GLIS3: variants seen among roughly 807,000 people sequenced by gnomAD.
The protein encoded by GLIS3 is GLIS family zinc finger 3.
In GLIS3, 53 loss-of-function variants were observed where a neutral mutation model predicts 78.6. The ratio of observed to expected loss-of-function variants is 0.67; its 90% CI spans 0.54 to 0.85. GLIS3 has a LOEUF of 0.85. Among genes scored for constraint, GLIS3 ranks in the 40% least tolerant of loss-of-function variants. The pLI is 0.00. For synonymous variants in GLIS3, 684 were observed against 509.9 expected, an observed-to-expected ratio of 1.34 and a Z score of -4.60; for missense variants, 1,703 against 1,231.1, an observed-to-expected ratio of 1.38 and a Z score of -5.74.
At chr9:3,855,868 G>A in intron 9 of GLIS3, 141 bp downstream of exon 9, 1 of 903,680 alleles carries the variant, frequency 1.1e-6, no homozygotes. Context: ...CCTATCAAGT[G>A]TGAAATTTTA....
intron 4 of GLIS3, among the ~76,000 whole-genome samples, chr9:3,985,208 G>A (rs575503915): frequency 6.6e-6 from 1 of 151,984 alleles, no homozygotes; most frequent in Non-Finnish European, 1.5e-5. Flanking sequence ...GCAGTAAAGA[G>A]CTTGGCTCAC....
chr9:4,447,475 T>C, the GLIS3 span, among the ~76,000 whole-genome samples: 45 of 152,186 alleles, frequency 3.0e-4, no homozygotes, highest in African/African-American at 1.1e-3. Flanking sequence ...TCACCCATTA[T>C]ATTCTCACAA....
chr9:3,998,914 A>G (rs1820932613), intron 4 of GLIS3, among the ~76,000 whole-genome samples: 1 of 151,880 alleles, frequency 6.6e-6, no homozygotes, highest in Non-Finnish European at 1.5e-5. Context: ...CCTTTTTATT[A>G]CCTTCTGGCT....
intron 1 of GLIS3, among the ~76,000 whole-genome samples, chr9:4,288,393 C>A (rs1828179003): frequency 6.6e-6 from 1 of 152,126 alleles, no homozygotes; most frequent in Non-Finnish European, 1.5e-5. Context: ...AATTGTTCAA[C>A]ATGACTGGAA....
chr9:4,190,234 G>A (rs1264926558), intron 2 of GLIS3, among the ~76,000 whole-genome samples: 6 of 152,128 alleles, frequency 3.9e-5, no homozygotes, highest in Admixed American at 2.6e-4. Flanking sequence ...AAACTACTCC[G>A]AGCTACAGGA....
intron 4 of GLIS3, among the ~76,000 whole-genome samples, chr9:4,054,813 A>G (rs1588554080): frequency 6.6e-6 from 1 of 152,160 alleles, no homozygotes; most frequent in Non-Finnish European, 1.5e-5. Context: ...AAAACACTTG[A>G]GAAACTGTCA....
At chr9:4,127,518 G>A (rs1353983198) in intron 2 of GLIS3, among the ~76,000 whole-genome samples, 1 of 151,484 alleles carries the variant, frequency 6.6e-6, no homozygotes, top group African/African-American at 2.4e-5. Context: ...GTATTATCCG[G>A]GCTTCATCTT....
At chr9:3,868,155 T>C (rs1820726739) in intron 8 of GLIS3, among the ~76,000 whole-genome samples, 1 of 152,268 alleles carries the variant, frequency 6.6e-6, no homozygotes, top group Admixed American at 6.5e-5. Flanking sequence ...GATATGTTTC[T>C]GTATGTGTCA....
chr9:4,414,199 A>C, the GLIS3 span, among the ~76,000 whole-genome samples: 29 of 152,330 alleles, frequency 1.9e-4, no homozygotes, highest in East Asian at 5.4e-3. Flanking sequence ...AATGGCAAGC[A>C]CTGGGTCAGC....
chr9:4,146,674 A>C (rs1287596985), intron 2 of GLIS3, among the ~76,000 whole-genome samples: 1 of 152,264 alleles, frequency 6.6e-6, no homozygotes, highest in Admixed American at 6.5e-5. Context: ...GCAGTGAATT[A>C]GATTTTTCAG....
chr9:4,106,814 A>G (rs1291521549), intron 4 of GLIS3, among the ~76,000 whole-genome samples: 2 of 152,206 alleles, frequency 1.3e-5, no homozygotes, highest in East Asian at 3.8e-4. Flanking sequence ...TAATGAGCAG[A>G]TCTCCCTTAA....
At position 3,896,875 on chromosome 9, in the gene GLIS3, C is replaced by T. The variant is rs978094174; in HGVS notation, c.2128+1816G>A. Among the ~76,000 whole-genome samples the T allele has an allele frequency of 2.0e-5, 3 of 152,076 alleles. No homozygotes were observed. In the East Asian group the frequency reaches 5.8e-4, roughly 29 times the overall value. On this transcript the variant is annotated intron_variant, in intron 7 of 10. Coordinates refer to ENST00000381971, the MANE Select transcript of GLIS3 (RefSeq NM_001042413.2). ...CCTTGCCCCTTAGGAGGCAAACCTA[C>T]CACAGCCGGAGGCTCTAATTCCAGA...
chr9:4,089,660 T>C (rs189895560), intron 4 of GLIS3, among the ~76,000 whole-genome samples: 19 of 152,174 alleles, frequency 1.2e-4, no homozygotes, highest in Admixed American at 1.2e-3. Context: ...CTACAATTTT[T>C]GTTTTTTAAT....
At chr9:4,319,948 T>C (rs887904038) in intron 2 of GLIS3, among the ~76,000 whole-genome samples, 6 of 152,044 alleles carry the variant, frequency 3.9e-5, no homozygotes, top group East Asian at 1.9e-4. Context: ...GTTCGGCCTA[T>C]AGAATTGGTC....
chr9:4,426,978 G>C, the GLIS3 span, among the ~76,000 whole-genome samples: 114 of 152,356 alleles, frequency 7.5e-4, no homozygotes, highest in African/African-American at 2.7e-3. Flanking sequence ...GATGAGGACA[G>C]AGAGTAGAGC....
intron 2 of GLIS3, among the ~76,000 whole-genome samples, chr9:4,192,265 CT>C (rs1379977293): frequency 3.9e-5 from 6 of 152,072 alleles, no homozygotes; most frequent in Non-Finnish European, 8.8e-5. Flanking sequence ...CAGAAAATGT[CT>C]TTTAGAGTTT....
rs147062802 is a variant in GLIS3, at chr9:4,103,446, G to C, written c.1710+14322C>G. Among the ~76,000 whole-genome samples, 818 of 152,186 alleles carry C rather than the reference G, an allele frequency of 5.4e-3. 5 individuals carry two copies. Among genetic ancestry groups the C allele is most frequent in the Non-Finnish European group, 7.6e-3 (514 of 68,006 alleles). ...GAGAAGATACATTCAGGGAACACGA[G>C]ATACCACCAAATTCACTGAGAGATT... On this transcript the variant is annotated intron_variant, in intron 4 of 10. Transcript: ENST00000381971.
At chr9:4,098,951 C>T (rs1344730344) in intron 4 of GLIS3, among the ~76,000 whole-genome samples, 1 of 152,172 alleles carries the variant, frequency 6.6e-6, no homozygotes, top group African/African-American at 2.4e-5. Flanking sequence ...TCAGAAAACA[C>T]ACACTACAAG....
chr9:4,319,015 T>C (rs1361778960), intron 2 of GLIS3, among the ~76,000 whole-genome samples: 2 of 152,128 alleles, frequency 1.3e-5, no homozygotes, highest in East Asian at 1.9e-4. Context: ...AAGCACTCAA[T>C]TGGAGGGGCA....
Sources: allele counts gnomAD v4.1 joint callset (sites outside exome capture counted in the v4.1 genomes callset), GRCh38; gene constraint gnomAD v4.1.1; transcripts MANE v1.5; gene names NCBI Gene and HGNC (gene_info 2026-07-23, HGNC 2026-07-21).